Variants in EBF1 observed in about 807,000 individuals in gnomAD.
The protein encoded by EBF1 is EBF transcription factor 1.
A neutral mutation model predicts 68.4 loss-of-function variants in EBF1; 10 were observed. The observed-to-expected ratio is 0.15, with a 90% CI of 0.09 to 0.25. EBF1 has a LOEUF of 0.25. Ranked by LOEUF, EBF1 falls within the 10% of genes least tolerant of loss-of-function variation. The pLI, the probability that EBF1 is intolerant of heterozygous loss-of-function variation, is 1.00. For missense variants in EBF1, 509 were observed against 794.4 expected (o/e 0.64, Z 4.32); for synonymous variants, 298 against 299.8 (o/e 0.99, Z 0.06).
chr5:159,082,109 C>T (rs1350645327), intron 5 of EBF1, among the ~76,000 whole-genome samples: 1 of 152,116 alleles, frequency 6.6e-6, no homozygotes, highest in African/African-American at 2.4e-5. Context: ...ACCTGAGACA[C>T]AATTCTCTGG....
At chr5:158,958,470 T>G (rs1311872601) in intron 6 of EBF1, among the ~76,000 whole-genome samples, 2 of 152,282 alleles carry the variant, frequency 1.3e-5, no homozygotes, top group South Asian at 4.2e-4. Flanking sequence ...CATTTTTTTC[T>G]TCTTCAAAAA....
chr5:159,079,949 C>T lies in EBF1; in HGVS notation c.485+4717G>A, dbSNP rs116983981. ...TATTTCTATGCTCTGTATGCTCAAG[C>T]TTCTTTTTCTGAACTCTCTAACACA... On this transcript the variant is annotated intron_variant, in intron 5 of 15. Transcript: ENST00000313708. Among the ~76,000 whole-genome samples, 40 of 152,160 alleles carry T rather than the reference C, an allele frequency of 2.6e-4. No homozygotes were observed. In the East Asian group the frequency reaches 3.3e-3, roughly 13 times the overall value.
intron 10 of EBF1, among the ~76,000 whole-genome samples, chr5:158,753,920 T>C (rs954292144): frequency 6.6e-6 from 1 of 151,780 alleles, no homozygotes; most frequent in Non-Finnish European, 1.5e-5. Context: ...TTAACATGAG[T>C]CCCTGGTAAA....
chr5:159,017,483 C>G (rs1047012933), intron 6 of EBF1, among the ~76,000 whole-genome samples: 4 of 152,234 alleles, frequency 2.6e-5, no homozygotes, highest in Non-Finnish European at 4.4e-5. Flanking sequence ...CTTGCCATCT[C>G]TCTCAACCCC....
At chr5:159,028,726 TG>T (rs1172693745) in intron 6 of EBF1, among the ~76,000 whole-genome samples, 1 of 152,192 alleles carries the variant, frequency 6.6e-6, no homozygotes, top group Non-Finnish European at 1.5e-5. Context: ...ACTGGATGAC[TG>T]GGTGGCTTGA....
chr5:158,786,846 G>C (rs182095672), intron 9 of EBF1, among the ~76,000 whole-genome samples: 71 of 152,192 alleles, frequency 4.7e-4, no homozygotes, highest in Non-Finnish European at 8.5e-4. Flanking sequence ...AAATATAAAA[G>C]CCAAAAGACT....
At chr5:158,756,005 G>C (rs549888223) in intron 10 of EBF1, among the ~76,000 whole-genome samples, 1 of 152,002 alleles carries the variant, frequency 6.6e-6, no homozygotes, top group Non-Finnish European at 1.5e-5. Flanking sequence ...TCCTAACTTG[G>C]CCAAAATGTC....
At chr5:159,025,483 G>C (rs984716089) in intron 6 of EBF1, among the ~76,000 whole-genome samples, 1 of 152,190 alleles carries the variant, frequency 6.6e-6, no homozygotes, top group Non-Finnish European at 1.5e-5. Context: ...TACATGACAT[G>C]ACATGCTTTA....
chr5:158,878,337 A>G (rs17543647), intron 6 of EBF1, among the ~76,000 whole-genome samples: 2,644 of 152,268 alleles, frequency 0.017, 30 homozygotes, highest in Admixed American at 0.026. Flanking sequence ...GTGACCACAG[A>G]GCCTCCCAAA....
At chr5:159,076,821 T>C (rs1018992754) in intron 5 of EBF1, among the ~76,000 whole-genome samples, 3 of 152,182 alleles carry the variant, frequency 2.0e-5, no homozygotes, top group East Asian at 1.9e-4. Flanking sequence ...CACACACACA[T>C]ACATATGTGT....
chr5:158,739,656 TTCTG>T (rs1192846999), intron 10 of EBF1, among the ~76,000 whole-genome samples: 1 of 152,224 alleles, frequency 6.6e-6, no homozygotes, highest in Non-Finnish European at 1.5e-5. Flanking sequence ...GACCAACATA[TTCTG>T]TCTTTCTTAA....
Position 158,800,885 on chromosome 5 carries a change from G to C in EBF1, c.779-4410C>G, listed in dbSNP as rs375369240. 8.9e-4 allele frequency among the ~76,000 whole-genome samples: 136 copies of C among 152,242 alleles called. No homozygotes were observed. In the Middle Eastern group the frequency reaches 0.01, roughly 12 times the overall value. On this transcript the variant is annotated intron_variant, in intron 8 of 15. Coordinates refer to ENST00000313708, the MANE Select transcript of EBF1 (RefSeq NM_024007.5). The stretch of plus-strand genomic sequence containing the variant: ...CTCCAAGCAAATATTATGGAATGTG[G>C]GGGCGGTGTTTGAATACAAAACCAC...
chr5:158,786,396 T>C (rs1332474469), intron 9 of EBF1, among the ~76,000 whole-genome samples: 1 of 152,090 alleles, frequency 6.6e-6, no homozygotes, highest in Non-Finnish European at 1.5e-5. Context: ...TTGTGGGTTA[T>C]TTATTTATTT....
chr5:158,769,531 C>A (rs527351078), intron 10 of EBF1, among the ~76,000 whole-genome samples: 2 of 152,218 alleles, frequency 1.3e-5, no homozygotes, highest in South Asian at 2.1e-4. Flanking sequence ...TCCTTCAGAT[C>A]AGCTTTATTC....
In EBF1 at chr5:158,713,045, C is replaced by T. The variant is rs1486708691; in HGVS notation, c.1294G>A (p.Gly432Arg). The T allele has an allele frequency of 6.3e-7, 1 of 1,598,344 alleles. No homozygotes were observed. ...CTGAACGAATTCACGCCCATCATCCCTGCGTGGACCGAGGTGTTAGCAAGG... is the reference window on the plus strand; with the variant it reads ...CTGAACGAATTCACGCCCATCATCCTTGCGTGGACCGAGGTGTTAGCAAGG... ...PALANTSVHA[G>R]MMGVNSFSGQ... The change falls in exon 13 of 16, where the codon GGG (glycine) becomes AGG (arginine). Residue 432 changes from glycine (G) to arginine (R), a missense_variant. Gly to Arg is a moderately radical substitution (Grantham distance 125). This residue lies in a region of EBF1 where 205 missense variants were observed against 247.4 expected (regional missense o/e 0.83). Transcript: ENST00000313708.
chr5:158,999,503 G>A (rs1762106107), intron 6 of EBF1, among the ~76,000 whole-genome samples: 1 of 152,220 alleles, frequency 6.6e-6, no homozygotes, highest in Admixed American at 6.5e-5. Flanking sequence ...AAGCATTTGT[G>A]AGAAATTGGT....
At chr5:159,080,007 C>T (rs1487949627) in intron 5 of EBF1, among the ~76,000 whole-genome samples, 1 of 152,152 alleles carries the variant, frequency 6.6e-6, no homozygotes, top group Non-Finnish European at 1.5e-5. Flanking sequence ...ATTATTCCCC[C>T]CAAGAATATA....
intron 6 of EBF1, among the ~76,000 whole-genome samples, chr5:158,851,657 G>T (rs2127998154): frequency 9.0e-6 from 1 of 111,602 alleles, no homozygotes; most frequent in Non-Finnish European, 1.9e-5. Flanking sequence ...AAGGGAAGGG[G>T]AGGGGAGGAA....
At chr5:159,049,925 T>C (rs543619838) in intron 6 of EBF1, among the ~76,000 whole-genome samples, 6 of 152,286 alleles carry the variant, frequency 3.9e-5, no homozygotes, top group African/African-American at 1.4e-4. Flanking sequence ...AGCAAATTCA[T>C]TCAATTTGGT....
Sources: allele counts gnomAD v4.1 joint callset (sites outside exome capture counted in the v4.1 genomes callset), GRCh38; gene constraint gnomAD v4.1.1; regional missense constraint gnomAD v4.1.1; transcripts MANE v1.5; gene names NCBI Gene and HGNC (gene_info 2026-07-23, HGNC 2026-07-21).